The following GTF3C1 variants were observed in gnomAD, a reference collection of about 807,000 sequenced individuals.
GTF3C1 encodes the protein general transcription factor IIIC subunit 1, also known as general transcription factor 3C polypeptide 1.
A neutral mutation model predicts 226.7 loss-of-function variants in GTF3C1; 57 were observed. The observed-to-expected ratio is 0.25, with a 90% CI of 0.20 to 0.31. The LOEUF (loss-of-function observed/expected upper bound fraction) is 0.31, where lower values mean the gene tolerates loss of function less well. GTF3C1 is among the 10% of genes least tolerant of loss of function. The pLI, the probability that GTF3C1 is intolerant of heterozygous loss-of-function variation, is 1.00. For synonymous variants in GTF3C1, 1,090 were observed against 1,084.8 expected, an observed-to-expected ratio of 1.00 and a Z score of -0.09; for missense variants, 2,217 against 2,776.1, an observed-to-expected ratio of 0.80 and a Z score of 4.53.
chr16:27,481,275 A>G lies in GTF3C1; in HGVS notation c.4084-84T>C, dbSNP rs1431523639. On this transcript the variant is annotated intron_variant, in intron 26 of 36. Coordinates refer to ENST00000356183, the MANE Select transcript of GTF3C1 (RefSeq NM_001520.4). ...TAAGATGCACCAAGGAATATCTTGT[A>G]ACAAACTCCTGCACCAGCTAAGTCC... The G allele has an allele frequency of 7.7e-6, 9 of 1,164,824 alleles. No individual in the cohort carries two copies. The South Asian group carries it at 9.9e-5, about 13-fold the overall frequency. 72.2% of individuals were successfully genotyped at this position (1,164,824 alleles called of 1,614,324 possible).
chr16:27,533,470 G>A lies in GTF3C1; in HGVS notation c.753-83C>T, dbSNP rs1013857125. On this transcript the variant is annotated intron_variant, in intron 4 of 36. Coordinates refer to ENST00000356183, the MANE Select transcript of GTF3C1 (RefSeq NM_001520.4). ...CTGCCTGTTTCTTAAAGATGACAAAGCAAGACTTGACTTAATCATTTTACA... is the reference window on the plus strand; with the variant it reads ...CTGCCTGTTTCTTAAAGATGACAAAACAAGACTTGACTTAATCATTTTACA... 3.5e-5 allele frequency: 26 copies of A among 752,678 alleles called. 1 individual carries two copies. The highest frequency in any genetic ancestry group is 5.5e-5 in the Non-Finnish European group (23 of 416,694). The allele number at this position is 752,678 out of a possible 1,614,324, so 46.6% of individuals were successfully genotyped here. A position where few individuals can be genotyped will look rare whatever the true frequency, so the allele number is the denominator to read the frequency against.
chr16:27,489,315 A>G, intron 20 of GTF3C1, 137 bp from the exon 21 acceptor site: 1 of 934,690 alleles, frequency 1.1e-6, no homozygotes, highest in Non-Finnish European at 1.6e-6. Context: ...GTAGCAATGA[A>G]GAACTTGGGG....
chr16:27,506,565 G>A (rs750129020), intron 9 of GTF3C1, among the ~76,000 whole-genome samples: 1 of 152,172 alleles, frequency 6.6e-6, no homozygotes, highest in Non-Finnish European at 1.5e-5. Context: ...TTAGACTGTT[G>A]GAAGGGAAGG....
In GTF3C1 at chr16:27,476,434, G is replaced by C. The variant is rs374774829; in HGVS notation, c.4353+17C>G. On this transcript the variant is annotated intron_variant, in intron 29 of 36. Transcript: ENST00000356183. ...GGGCCCACATCCCCGCTGTGCTGCC[G>C]GGCAGCCGACACCCACCTGGAATGA... 4.6e-6 allele frequency: 7 copies of C among 1,535,612 alleles called. No homozygotes were observed. In the African/African-American group the frequency reaches 6.8e-5, roughly 15 times the overall value.
chr16:27,484,188 G>GAC, intron 25 of GTF3C1, 23 bp downstream of exon 25: 4 of 1,560,920 alleles, frequency 2.6e-6, no homozygotes, highest in Non-Finnish European at 3.5e-6. Flanking sequence ...GTCCCGGAGT[G>GAC]ACGGGGCTTC....
In GTF3C1 at chr16:27,481,100, G is replaced by C; in HGVS notation, c.4175C>G (p.Thr1392Arg). ...LRNSNLEIPD[T>R]LQELFARYRV... is the part of the protein sequence containing the mutation. ...TTACCTGGCGAACAGCTCCTGGAGT[G>C]TGTCTGGGATTTCAAGGTTAGAATT... Residue 1392 changes from threonine to arginine, a missense_variant, in exon 27 of 37, where the codon ACA becomes AGA. Thr to Arg is a moderately conservative substitution (Grantham distance 71). Around this residue, in one of 12 missense-constraint regions of GTF3C1, gnomAD observed 546 missense variants for 663.0 expected, o/e 0.82. Transcript: ENST00000356183. 1 of 1,614,120 alleles carries C rather than the reference G, an allele frequency of 6.2e-7. No homozygotes were observed. The highest frequency in any genetic ancestry group is 8.5e-7 in the Non-Finnish European group (1 of 1,179,944).
intron 6 of GTF3C1, among the ~76,000 whole-genome samples, chr16:27,527,131 C>T (rs2088844826): frequency 6.6e-6 from 1 of 152,196 alleles, no homozygotes; most frequent in African/African-American, 2.4e-5. Context: ...TAGCTTGAGC[C>T]TGGGAGATCA....
chr16:27,544,013 T>C (rs912730291), intron 2 of GTF3C1, among the ~76,000 whole-genome samples: 1 of 152,078 alleles, frequency 6.6e-6, no homozygotes, highest in Admixed American at 6.6e-5. Context: ...AACAGCCAGT[T>C]ACAAGGGATT....
intron 5 of GTF3C1, among the ~76,000 whole-genome samples, chr16:27,529,389 C>T (rs1182169276): frequency 1.3e-5 from 2 of 149,530 alleles, no homozygotes; most frequent in East Asian, 2.0e-4. Flanking sequence ...TGTAATGGGC[C>T]GAGATTGCAC....
intron 5 of GTF3C1, among the ~76,000 whole-genome samples, chr16:27,532,774 G>A (rs972112688): frequency 2.0e-5 from 3 of 152,150 alleles, no homozygotes; most frequent in Non-Finnish European, 4.4e-5. Flanking sequence ...GTCCTAGAAC[G>A]AACTCCAGGG....
intron 2 of GTF3C1, among the ~76,000 whole-genome samples, chr16:27,538,956 A>G (rs964021978): frequency 1.3e-4 from 19 of 143,762 alleles, no homozygotes; most frequent in Admixed American, 5.6e-4. Flanking sequence ...AGAAATGACT[A>G]TATATACACA....
rs1164450608 is a variant in GTF3C1, at chr16:27,461,611, T to G, written c.6118-49A>C. The G allele has an allele frequency of 1.5e-6, 2 of 1,366,262 alleles. No homozygotes were observed. The highest frequency in any genetic ancestry group is 2.1e-6 in the Non-Finnish European group (2 of 961,810). The allele number at this position is 1,366,262 out of a possible 1,614,324, so 84.6% of individuals were successfully genotyped here. ...TACAGCGGCACTGCCCTCGCCTGCTTGTTGATTTATTCTTCAAGCATTTAT... is the reference window on the plus strand; with the variant it reads ...TACAGCGGCACTGCCCTCGCCTGCTGGTTGATTTATTCTTCAAGCATTTAT... On this transcript the variant is annotated intron_variant, in intron 36 of 36. Coordinates refer to ENST00000356183, the MANE Select transcript of GTF3C1 (RefSeq NM_001520.4). This position sits in a 1 kb window ranked among gnomAD's most constrained non-coding sequence, Gnocchi z 5.3.
chr16:27,511,190 A>G (rs1596644147), intron 7 of GTF3C1, among the ~76,000 whole-genome samples: 2 of 152,206 alleles, frequency 1.3e-5, no homozygotes, highest in South Asian at 4.1e-4. Flanking sequence ...GCAGGCAGGC[A>G]CCATCCAATC....
At chr16:27,549,143 G>A (rs1428718043) in intron 1 of GTF3C1, among the ~76,000 whole-genome samples, 2 of 152,104 alleles carry the variant, frequency 1.3e-5, no homozygotes, top group East Asian at 3.9e-4. Flanking sequence ...GGGCCACAGA[G>A]AGAGACTCTA....
chr16:27,463,973 C>T lies in GTF3C1; in HGVS notation c.5872+347G>A, dbSNP rs567723895. ...TGAGAAGGCCGCTGCTGATGACAGACGTGCAGGAAAGGAAAGGGCGTGCTG... is the reference window on the plus strand; with the variant it reads ...TGAGAAGGCCGCTGCTGATGACAGATGTGCAGGAAAGGAAAGGGCGTGCTG... On this transcript the variant is annotated intron_variant, in intron 34 of 36. Transcript: ENST00000356183. This position sits in a 1 kb window ranked among gnomAD's most constrained non-coding sequence, Gnocchi z 4.9. 2.1e-4 allele frequency: 86 copies of T among 417,228 alleles called. No homozygotes were observed. Among genetic ancestry groups the T allele is most frequent in the Middle Eastern group, 1.9e-3 (3 of 1,602 alleles). 25.8% of individuals were successfully genotyped at this position (417,228 alleles called of 1,614,324 possible). A position where few individuals can be genotyped will look rare whatever the true frequency, so the allele number is the denominator to read the frequency against.
rs201606830 is a variant in GTF3C1, at chr16:27,528,696, C to T, written c.875G>A (p.Arg292His). Residue 292 changes from arginine (R) to histidine (H), a missense_variant, in exon 6 of 37, where the codon CGT becomes CAT. Physicochemically the swap from Arg to His is conservative, Grantham distance 29 (BLOSUM62 0). Coordinates refer to ENST00000356183, the MANE Select transcript of GTF3C1 (RefSeq NM_001520.4). ...GGCGTTCAGCATATACTGGTACAGA[C>T]GCTTAAACGTCCTTTCGCACAGCCC... ...ELGLCERTFK[R>H]LYQYMLNAGL... 6 of 1,613,446 alleles carry T rather than the reference C, an allele frequency of 3.7e-6. No homozygotes were observed. The highest frequency in any genetic ancestry group is 1.7e-5 in the Admixed American group (1 of 60,006).
At chr16:27,474,638 G>A (rs2141355000) in intron 29 of GTF3C1, among the ~76,000 whole-genome samples, 1 of 152,284 alleles carries the variant, frequency 6.6e-6, no homozygotes, top group East Asian at 1.9e-4. Flanking sequence ...AATACGGTCT[G>A]TGGACTGTTT....
chr16:27,527,070 G>A (rs1257612063), intron 6 of GTF3C1, among the ~76,000 whole-genome samples: 1 of 152,208 alleles, frequency 6.6e-6, no homozygotes, highest in Non-Finnish European at 1.5e-5. Context: ...AGCCCAGCAT[G>A]GTAGGGTTTG....
chr16:27,486,076 C>T lies in GTF3C1; in HGVS notation c.3779G>A (p.Arg1260Gln), dbSNP rs755060993. 2.4e-5 allele frequency: 39 copies of T among 1,608,958 alleles called. No individual in the cohort carries two copies. The highest frequency in any genetic ancestry group is 1.1e-4 in the East Asian group (5 of 44,848). The change falls in exon 24 of 37, where the codon CGG (arginine) becomes CAG (glutamine). Residue 1260 changes from arginine to glutamine, a missense_variant. Physicochemically the swap from Arg to Gln is conservative, Grantham distance 43 (BLOSUM62 1). This residue lies in a region of GTF3C1 where 546 missense variants were observed against 663.0 expected (regional missense o/e 0.82). Coordinates refer to ENST00000356183, the MANE Select transcript of GTF3C1 (RefSeq NM_001520.4). The part of the protein sequence containing the change: ...ADQSALQRMT[R>Q]LRVTWSMQED... ...CTGCATAGACCAGGTGACACGAAGC[C>T]GCGTCATCCGCTGCAGGGCACTCTG... is the stretch of plus-strand genomic sequence containing the variant.
Sources: allele counts gnomAD v4.1 joint callset (sites outside exome capture counted in the v4.1 genomes callset), GRCh38; gene constraint gnomAD v4.1.1; regional missense constraint gnomAD v4.1.1; non-coding constraint Gnocchi (gnomAD v3.1); transcripts MANE v1.5; gene names NCBI Gene and HGNC (gene_info 2026-07-23, HGNC 2026-07-21).